The following EVPL variants were observed in gnomAD, a reference collection of about 807,000 sequenced individuals.
EVPL encodes the protein 210 kDa cornified envelope precursor protein.
In EVPL, 94 loss-of-function variants were observed where a neutral mutation model predicts 129.7. That is an observed-to-expected ratio of 0.72 (90% confidence interval 0.61 to 0.86). The LOEUF (loss-of-function observed/expected upper bound fraction) is 0.86, where lower values mean the gene tolerates loss of function less well. Ranked by LOEUF, EVPL falls within the 40% of genes least tolerant of loss-of-function variation. EVPL has a pLI of 0.00. For synonymous variants in EVPL, 1,172 were observed against 1,191.1 expected (o/e 0.98, Z 0.33); for missense variants, 2,625 against 2,721.1 (o/e 0.96, Z 0.79).
At position 76,009,437 on chromosome 17, in the gene EVPL, C is replaced by T. The variant is rs1260750715; in HGVS notation, c.3768G>A (p.Glu1256=). ...PTVEYKEVTQ[E]VVRHERSPEV... is the part of the protein sequence containing the mutation. ...CGGGGCTCCTCTCATGCCTCACCAC[C>T]TCCTGGGTCACCTCCTTGTACTCCA... Residue 1256 remains glutamate, a synonymous_variant, in exon 22 of 22, where the codon GAG becomes GAA. Transcript: ENST00000301607. The surrounding 1 kb of genome is among the most constrained non-coding windows in gnomAD (Gnocchi z 5.9). The T allele has an allele frequency of 1.2e-6, 2 of 1,614,158 alleles. No homozygotes were observed. The highest frequency in any genetic ancestry group is 1.7e-6 in the Non-Finnish European group (2 of 1,180,006).
At chr17:76,025,563 C>T (rs368679735) in intron 1 of EVPL, among the ~76,000 whole-genome samples, 509 of 152,286 alleles carry the variant, frequency 3.3e-3, no homozygotes, top group Middle Eastern at 6.8e-3. Context: ...CTGCTCCCAC[C>T]GGGAGCTGCA....
At chr17:76,026,956 GGCCCTTT>G (rs2066502245) in intron 1 of EVPL, 138 bp downstream of exon 1, 2 of 556,802 alleles carry the variant, frequency 3.6e-6, no homozygotes. Flanking sequence ...TCCATCCCTG[GGCCCTTT>G]GGCCTCAGGA....
rs758522231 is a variant in EVPL at position 76,015,575 on chromosome 17, CT to C, written c.1763del (p.Lys588ArgfsTer21). ...GCGTGGACAGAAACGCCTCGCACTCCTTCTGGGCTGTCTCCTTCTCCGTTCC... is the reference window on the plus strand; with the variant it reads ...GCGTGGACAGAAACGCCTCGCACTCCTCTGGGCTGTCTCCTTCTCCGTTCC... ...SLGTEKETAQ[K>X]ECEAFLSTRP... On this transcript the variant is annotated frameshift_variant, in exon 15 of 22. Coordinates refer to ENST00000301607, the MANE Select transcript of EVPL (RefSeq NM_001988.4). LOFTEE classifies it high-confidence loss of function. 1.4e-4 allele frequency: 220 copies of C among 1,613,392 alleles called. 1 individual carries two copies. Among genetic ancestry groups the C allele is most frequent in the Non-Finnish European group, 1.8e-4 (212 of 1,180,014 alleles).
intron 2 of EVPL, 41 bp from the exon 3 acceptor site, chr17:76,023,695 C>T: frequency 6.7e-7 from 1 of 1,496,370 alleles, no homozygotes; most frequent in Non-Finnish European, 8.9e-7. Flanking sequence ...GGCCCAGAGC[C>T]CCCACACCCC....
Position 76,021,528 on chromosome 17 carries a change from G to A in EVPL, c.951C>T (p.Asn317=). The change falls in exon 9 of 22, where the codon AAC becomes AAT. Residue 317 remains asparagine (N), a synonymous_variant. Coordinates refer to ENST00000301607, the MANE Select transcript of EVPL (RefSeq NM_001988.4). Reference sequence around the variant, plus strand: ...CCTGGCAGATACACAGGTTCAGGAAGTTCTGCCACTCCATCTTCAGGGCCT... The same window carrying A: ...CCTGGCAGATACACAGGTTCAGGAAATTCTGCCACTCCATCTTCAGGGCCT... ...HQEALKMEWQ[N]FLNLCICQET... 1 of 1,609,778 alleles carries A rather than the reference G, an allele frequency of 6.2e-7. No individual in the cohort carries two copies. Among genetic ancestry groups the A allele is most frequent in the Non-Finnish European group, 8.5e-7 (1 of 1,178,798 alleles).
At chr17:76,012,775 T>G (rs1231073350) in intron 18 of EVPL, among the ~76,000 whole-genome samples, 1 of 149,584 alleles carries the variant, frequency 6.7e-6, no homozygotes. Flanking sequence ...GACGGAGTCT[T>G]GCTCTGTCGC....
rs1198615606 is a variant in EVPL, at chr17:76,012,305, C to A, written c.2374-216G>T. ...CGAGGCACCTTGGCAGAATCCCTTTCTTTCCTTTTTTTTTTTTTTGAGACC... is the reference window on the plus strand; with the variant it reads ...CGAGGCACCTTGGCAGAATCCCTTTATTTCCTTTTTTTTTTTTTTGAGACC... On this transcript the variant is annotated intron_variant, in intron 18 of 21. Transcript: ENST00000301607. 5.6e-5 allele frequency: 23 copies of A among 413,216 alleles called. No homozygotes were observed. In the African/African-American group the frequency reaches 6.1e-4, roughly 11 times the overall value. 25.6% of individuals were successfully genotyped at this position (413,216 alleles called of 1,614,324 possible).
In EVPL at chr17:76,019,606, G is replaced by A; in HGVS notation, c.1059C>T (p.Asn353=). Residue 353 remains asparagine (N), a synonymous_variant, in exon 10 of 22, where the codon AAC becomes AAT. Transcript: ENST00000301607. ...DSVSQTLAKL[N]SNLDAKYSPA... ...GGCTGTACTTGGCATCCAAGTTGGA[G>A]TTGAGCTTCGCCAGGGTCTGGCTGA... The A allele has an allele frequency of 6.2e-7, 1 of 1,608,656 alleles. No homozygotes were observed. The highest frequency in any genetic ancestry group is 8.5e-7 in the Non-Finnish European group (1 of 1,177,620).
rs540074667 is a variant in EVPL, at chr17:76,015,098, C to T, written c.2040G>A (p.Arg680=). The change falls in exon 17 of 22, where the codon AGG becomes AGA. Residue 680 remains arginine, a synonymous_variant. Transcript: ENST00000301607. Reference sequence around the variant, plus strand: ...CGCAGGTCTGCTGTTCCAGCAGCTCCCTCCGCTGGCGCTGCAGGAGGAGGG... The same window carrying T: ...CGCAGGTCTGCTGTTCCAGCAGCTCTCTCCGCTGGCGCTGCAGGAGGAGGG... ...ERVSELQRQR[R]ELLEQQTCVL... 1.1e-5 allele frequency: 17 copies of T among 1,574,012 alleles called. No homozygotes were observed. In the East Asian group the frequency reaches 3.2e-4, roughly 29 times the overall value.
Position 76,006,998 on chromosome 17 carries a change from CAG to C in EVPL, c.*103_*104del, listed in dbSNP as rs1297779748. 2.5e-6 allele frequency: 3 copies of C among 1,201,052 alleles called. No homozygotes were observed. Among genetic ancestry groups the C allele is most frequent in the Non-Finnish European group, 3.2e-6 (3 of 947,780 alleles). 74.4% of individuals were successfully genotyped at this position (1,201,052 alleles called of 1,614,324 possible). ...GTAAAATAATAAAACAGTGGTTGGA[CAG>C]AGGGAAGACCCACTGCCTGGGATGA... On this transcript the variant is annotated 3_prime_UTR_variant, in exon 22 of 22. Transcript: ENST00000301607.
In EVPL at chr17:76,011,978, AGGGGCAAGCTGAAG is replaced by A; in HGVS notation, c.2457+14_2457+27del. 6.2e-7 allele frequency: 1 copy of A among 1,607,458 alleles called. No homozygotes were observed. The highest frequency in any genetic ancestry group is 1.1e-5 in the South Asian group (1 of 90,222). On this transcript the variant is annotated intron_variant, in intron 19 of 21. Coordinates refer to ENST00000301607, the MANE Select transcript of EVPL (RefSeq NM_001988.4). Reference sequence around the variant, plus strand: ...AGAGGGACAAGGGTGATGCATGGAGAGGGGCAAGCTGAAGGCAAGCTGCTTACCTGGAGCGCTGC... The same window carrying A: ...AGAGGGACAAGGGTGATGCATGGAGAGCAAGCTGCTTACCTGGAGCGCTGC...
In EVPL at chr17:76,023,305, A is replaced by G. The variant is rs771904338; in HGVS notation, c.467T>C (p.Leu156Pro). 1.2e-6 allele frequency: 2 copies of G among 1,613,962 alleles called. No homozygotes were observed. The highest frequency in any genetic ancestry group is 1.7e-6 in the Non-Finnish European group (2 of 1,180,008). ...VGPRVDWARV[L>P]EQKQKQVCAG... ...TGAGTTCCTGACCTGTTTCTGCTCC[A>G]GCACGCGTGCCCAGTCGACCCTGGG... Residue 156 changes from leucine (L) to proline (P), a missense_variant, in exon 4 of 22, where the codon CTG (leucine) becomes CCG (proline). Coordinates refer to ENST00000301607, the MANE Select transcript of EVPL (RefSeq NM_001988.4).
In EVPL at chr17:76,011,838, G is replaced by A; in HGVS notation, c.2502C>T (p.Pro834=). Residue 834 remains proline, a synonymous_variant, in exon 20 of 22, where the codon CCC becomes CCT. Transcript: ENST00000301607. The part of the protein sequence containing the change: ...QADTYRCSLE[P]TLAVSAPKRP... ...TCTTGGGGGCTGACACTGCCAGGGT[G>A]GGCTCCAAAGAGCAGCGGTAGGTGT... 6.2e-7 allele frequency: 1 copy of A among 1,613,140 alleles called. No individual in the cohort carries two copies. The highest frequency in any genetic ancestry group is 8.5e-7 in the Non-Finnish European group (1 of 1,179,732).
intron 9 of EVPL, among the ~76,000 whole-genome samples, chr17:76,020,774 C>T (rs2066452051): frequency 1.3e-5 from 2 of 151,868 alleles, no homozygotes; most frequent in African/African-American, 4.8e-5. Context: ...CCAGGCTGGT[C>T]TGGAACTACT....
intron 9 of EVPL, among the ~76,000 whole-genome samples, 198 bp from the exon 10 acceptor site, chr17:76,019,851 C>T (rs2066445222): frequency 1.3e-5 from 2 of 151,318 alleles, no homozygotes; most frequent in South Asian, 4.2e-4. Flanking sequence ...TAAACCTAAA[C>T]CAACTAAACA....
In EVPL at chr17:76,019,623, T is replaced by A. The variant is rs781332067; in HGVS notation, c.1042A>T (p.Thr348Ser). ...AAGTTGGAGTTGAGCTTCGCCAGGGTCTGGCTGACTGAGTCGGCCTCTTCC... is the reference window on the plus strand; with the variant it reads ...AAGTTGGAGTTGAGCTTCGCCAGGGACTGGCTGACTGAGTCGGCCTCTTCC... ...FQEEADSVSQ[T>S]LAKLNSNLDA... The change falls in exon 10 of 22, where the codon ACC becomes TCC. Residue 348 changes from threonine (T) to serine (S), a missense_variant. By Grantham distance (58) the Thr-to-Ser change is moderately conservative (BLOSUM62 1). Coordinates refer to ENST00000301607, the MANE Select transcript of EVPL (RefSeq NM_001988.4). 6.2e-7 allele frequency: 1 copy of A among 1,610,668 alleles called. No individual in the cohort carries two copies. Among genetic ancestry groups the A allele is most frequent in the Non-Finnish European group, 8.5e-7 (1 of 1,178,532 alleles).
Position 76,018,542 on chromosome 17 carries a change from C to A in EVPL, c.1343G>T (p.Trp448Leu), listed in dbSNP as rs1417124300. 1 of 1,612,668 alleles carries A rather than the reference C, an allele frequency of 6.2e-7. No individual in the cohort carries two copies. Among genetic ancestry groups the A allele is most frequent in the African/African-American group, 1.3e-5 (1 of 75,054 alleles). The change falls in exon 12 of 22, where the codon TGG becomes TTG. Residue 448 changes from tryptophan to leucine, a missense_variant. Physicochemically the swap from Trp to Leu is moderately conservative, Grantham distance 61. Coordinates refer to ENST00000301607, the MANE Select transcript of EVPL (RefSeq NM_001988.4). ...CTCCCCGCCAGGGCCCTGCACGACC[C>A]AGGCGTGCGGGTCAGTGTTATCTAC... is the stretch of plus-strand genomic sequence containing the variant. ...KLVDNTDPHA[W>L]VVQGPGGETK...
At position 76,010,110 on chromosome 17, in the gene EVPL, G is replaced by A. The variant is rs559285571; in HGVS notation, c.3095C>T (p.Ala1032Val). The A allele has an allele frequency of 1.2e-5, 19 of 1,613,916 alleles. No homozygotes were observed. Among genetic ancestry groups the A allele is most frequent in the South Asian group, 7.7e-5 (7 of 91,080 alleles). The change falls in exon 22 of 22, where the codon GCG becomes GTG. Residue 1032 changes from alanine to valine, a missense_variant. Coordinates refer to ENST00000301607, the MANE Select transcript of EVPL (RefSeq NM_001988.4). ...VERDPGLDSQ[A>V]AQLRIQIQQL... ...CTGGATCTGGATCCTGAGCTGGGCC[G>A]CCTGGCTGTCCAGGCCGGGGTCCCT...
At position 76,022,587 on chromosome 17, in the gene EVPL, C is replaced by G. The variant is rs1406246470; in HGVS notation, c.481-49G>C. 1.3e-6 allele frequency: 2 copies of G among 1,549,554 alleles called. No individual in the cohort carries two copies. Among genetic ancestry groups the G allele is most frequent in the Non-Finnish European group, 1.7e-6 (2 of 1,147,872 alleles). On this transcript the variant is annotated intron_variant, in intron 4 of 21. Coordinates refer to ENST00000301607, the MANE Select transcript of EVPL (RefSeq NM_001988.4). The surrounding 1 kb of genome is among the most constrained non-coding windows in gnomAD (Gnocchi z 5.6). ...TCCCCAAAGGACCGCGGTGGGGAGC[C>G]AGAGAACCCCACACGCCTCCCACCC...
Sources: allele counts gnomAD v4.1 joint callset (sites outside exome capture counted in the v4.1 genomes callset), GRCh38; gene constraint gnomAD v4.1.1; non-coding constraint Gnocchi (gnomAD v3.1); transcripts MANE v1.5; gene names NCBI Gene and HGNC (gene_info 2026-07-23, HGNC 2026-07-21).